NLGN1: variants seen among roughly 807,000 people sequenced by gnomAD.
NLGN1 encodes neuroligin 1.
In NLGN1, 12 loss-of-function variants were observed where a neutral mutation model predicts 65.5. The ratio of observed to expected loss-of-function variants is 0.18; its 90% CI spans 0.12 to 0.30. The LOEUF (loss-of-function observed/expected upper bound fraction) is 0.30. Ranked by LOEUF, NLGN1 falls within the 10% of genes least tolerant of loss-of-function variation. The pLI is 1.00. For missense variants in NLGN1, 750 were observed against 1,007.1 expected (o/e 0.74, Z 3.46); for synonymous variants, 350 against 359.5 (o/e 0.97, Z 0.30).
chr3:174,008,348 G>GT (rs1724865935), intron 4 of NLGN1, among the ~76,000 whole-genome samples: 2 of 100,702 alleles, frequency 2.0e-5, no homozygotes, highest in Non-Finnish European at 4.1e-5. Context: ...TATCCAACCC[G>GT]TCCCCCCCAC....
intron 4 of NLGN1, among the ~76,000 whole-genome samples, chr3:173,903,763 C>A (rs907176698): frequency 1.3e-5 from 2 of 152,152 alleles, no homozygotes; most frequent in Admixed American, 1.3e-4. Flanking sequence ...GACAGTTAGT[C>A]TTCTATTTTA....
intron 3 of NLGN1, among the ~76,000 whole-genome samples, chr3:173,689,150 G>C (rs755865281): frequency 2.6e-5 from 4 of 152,146 alleles, no homozygotes; most frequent in Non-Finnish European, 4.4e-5. Context: ...TATTCCTCTA[G>C]ATTATGCTGG....
At chr3:173,830,014 G>T (rs578239282) in intron 4 of NLGN1, among the ~76,000 whole-genome samples, 1 of 144,582 alleles carries the variant, frequency 6.9e-6, no homozygotes, top group African/African-American at 2.6e-5. Context: ...GTGTGGGGGG[G>T]GGAGGGAGAG....
chr3:173,817,415 C>T (rs773894656), intron 4 of NLGN1, among the ~76,000 whole-genome samples: 8 of 152,306 alleles, frequency 5.3e-5, no homozygotes, highest in East Asian at 1.9e-4. Flanking sequence ...ACAAAAAGCA[C>T]GGCTAATACC....
intron 4 of NLGN1, among the ~76,000 whole-genome samples, chr3:174,095,187 A>G (rs1745238476): frequency 6.6e-6 from 1 of 152,036 alleles, no homozygotes; most frequent in African/African-American, 2.4e-5. Context: ...AAGTAGACAA[A>G]TAGACCTTGT....
At chr3:174,077,502 T>C (rs1440210314) in intron 4 of NLGN1, among the ~76,000 whole-genome samples, 1 of 152,128 alleles carries the variant, frequency 6.6e-6, no homozygotes, top group East Asian at 1.9e-4. Flanking sequence ...TTGGACAACA[T>C]GAGGAAATAT....
intron 4 of NLGN1, among the ~76,000 whole-genome samples, chr3:174,199,829 G>A (rs1225023236): frequency 6.6e-6 from 1 of 152,130 alleles, no homozygotes; most frequent in Non-Finnish European, 1.5e-5. Flanking sequence ...TATATAAAAA[G>A]ACACCCAATG....
At chr3:173,539,769 A>G (rs574337123) in intron 2 of NLGN1, among the ~76,000 whole-genome samples, 4 of 119,864 alleles carry the variant, frequency 3.3e-5, no homozygotes, top group African/African-American at 1.4e-4. Context: ...ACATGTACAT[A>G]TATAACACAT....
At chr3:173,586,862 G>A (rs1747541858) in intron 2 of NLGN1, among the ~76,000 whole-genome samples, 1 of 152,206 alleles carries the variant, frequency 6.6e-6, no homozygotes, top group Non-Finnish European at 1.5e-5. Context: ...TATTGGCACA[G>A]TCTAGCCACT....
At chr3:174,288,098 A>G (rs1035905624), downstream of NLGN1, among the ~76,000 whole-genome samples, 24 of 151,548 alleles carry the variant, frequency 1.6e-4, no homozygotes, top group African/African-American at 5.8e-4. Context: ...TTTCTATGCT[A>G]TACTCTGTAG....
At chr3:174,086,891 C>A (rs1743518159) in intron 4 of NLGN1, among the ~76,000 whole-genome samples, 1 of 152,036 alleles carries the variant, frequency 6.6e-6, no homozygotes, top group African/African-American at 2.4e-5. Context: ...AGCCAAGATT[C>A]AGAATCTTTT....
intron 4 of NLGN1, among the ~76,000 whole-genome samples, chr3:174,203,394 C>A (rs898662200): frequency 3.9e-5 from 6 of 152,160 alleles, no homozygotes; most frequent in East Asian, 1.9e-4. Context: ...AAACACTCAC[C>A]CCTCCAGATT....
chr3:174,156,168 G>A (rs736028), intron 4 of NLGN1, among the ~76,000 whole-genome samples: 13,529 of 151,920 alleles, frequency 0.089, 985 homozygotes, highest in African/African-American at 0.2. Flanking sequence ...TTTAACGCAT[G>A]TATGGAGTAA....
At chr3:173,796,593 T>C (rs1714127361) in intron 3 of NLGN1, among the ~76,000 whole-genome samples, 1 of 152,124 alleles carries the variant, frequency 6.6e-6, no homozygotes, top group Non-Finnish European at 1.5e-5. Flanking sequence ...TACTCTCCTA[T>C]TAACTCTAAT....
chr3:173,511,172 C>G (rs1015816867), intron 2 of NLGN1, among the ~76,000 whole-genome samples: 2 of 152,188 alleles, frequency 1.3e-5, no homozygotes, highest in Non-Finnish European at 2.9e-5. Context: ...ACCAGTGTTT[C>G]TGCTAAACAA....
rs576680799 is a variant in NLGN1, at chr3:173,935,643, C to G, written c.646+127811C>G. ...ACACACTCTCTCTCTCTCTCTCTCT[C>G]TCTCTCTCTGTCTCTCTCTGCCTTA... On this transcript the variant is annotated intron_variant, in intron 4 of 6. Transcript: ENST00000457714. Among the ~76,000 whole-genome samples, 408 of 150,640 alleles carry G rather than the reference C, an allele frequency of 2.7e-3. 3 individuals are homozygous for G. The highest frequency in any genetic ancestry group is 3.5e-3 in the South Asian group (17 of 4,808).
At chr3:173,897,659 T>C (rs1256427116) in intron 4 of NLGN1, among the ~76,000 whole-genome samples, 3 of 152,194 alleles carry the variant, frequency 2.0e-5, no homozygotes, top group Non-Finnish European at 4.4e-5. Context: ...GATACCCTCA[T>C]TTGGATGTAA....
chr3:173,451,530 C>T (rs1054079865), intron 2 of NLGN1, among the ~76,000 whole-genome samples: 1 of 152,180 alleles, frequency 6.6e-6, no homozygotes, highest in African/African-American at 2.4e-5. Flanking sequence ...AGGAGGCAGT[C>T]TGCCCGTTCT....
At chr3:173,508,962 A>G (rs550872715) in intron 2 of NLGN1, among the ~76,000 whole-genome samples, 4 of 152,236 alleles carry the variant, frequency 2.6e-5, no homozygotes, top group African/African-American at 9.6e-5. Flanking sequence ...CTCATTTATA[A>G]TGCAACAATT....
Sources: gnomAD v4.1 joint callset for allele counts (sites outside exome capture counted in the v4.1 genomes callset) on GRCh38, gnomAD v4.1.1 for gene constraint, MANE v1.5 for transcripts, NCBI Gene and HGNC (gene_info 2026-07-23, HGNC 2026-07-21) for gene names.